Variants in RANBP2 observed in about 807,000 individuals in gnomAD.
The protein encoded by RANBP2 is E3 SUMO-protein ligase RanBP2.
A neutral mutation model predicts 303.6 loss-of-function variants in RANBP2; 57 were observed. The ratio of observed to expected loss-of-function variants is 0.19; its 90% CI spans 0.15 to 0.23. The LOEUF (loss-of-function observed/expected upper bound fraction) is 0.23. RANBP2 is among the 10% of genes least tolerant of loss of function. The pLI is 1.00. For missense variants in RANBP2, 3,138 were observed against 3,780.8 expected (o/e 0.83, Z 4.46); for synonymous variants, 1,167 against 1,301.5 (o/e 0.90, Z 2.23).
At chr2:108,792,376 C>G in the RANBP2 span, among the ~76,000 whole-genome samples, 15 of 152,174 alleles carry the variant, frequency 9.9e-5, no homozygotes, top group African/African-American at 3.6e-4. Flanking sequence ...ATAATTCTGT[C>G]GGGACTTGAG....
chr2:108,833,668 C>T, the RANBP2 span, among the ~76,000 whole-genome samples: 2 of 150,104 alleles, frequency 1.3e-5, no homozygotes, highest in East Asian at 1.9e-4. Context: ...TAATAAGAAA[C>T]GAAACAAATT....
At chr2:109,511,736 A>G in the RANBP2 span, among the ~76,000 whole-genome samples, 1 of 152,174 alleles carries the variant, frequency 6.6e-6, no homozygotes. Context: ...AGTCTTTTCT[A>G]TGGAATTGCT....
chr2:108,788,012 T>C (rs779565319), downstream of RANBP2: 1 of 1,476,278 alleles, frequency 6.8e-7, no homozygotes, highest in Non-Finnish European at 9.2e-7. Context: ...ACAAATTAAA[T>C]CTTTTCTTTT....
the RANBP2 span, among the ~76,000 whole-genome samples, chr2:108,897,836 G>A: frequency 6.6e-6 from 1 of 152,196 alleles, no homozygotes; most frequent in Admixed American, 6.5e-5. Context: ...ACTAAGTACA[G>A]CTAAAAGCCC....
At chr2:109,480,256 C>G in the RANBP2 span, among the ~76,000 whole-genome samples, 1 of 152,262 alleles carries the variant, frequency 6.6e-6, no homozygotes, top group African/African-American at 2.4e-5. Context: ...GGCAAGGCGG[C>G]ATCTCCCAGG....
the RANBP2 span, among the ~76,000 whole-genome samples, chr2:109,181,031 T>C: frequency 3.3e-5 from 5 of 152,272 alleles, no homozygotes; most frequent in Middle Eastern, 3.4e-3. Context: ...CTTGACAAAG[T>C]CCTTTGATGG....
chr2:108,728,592 AT>A (rs1257376735), intron 1 of RANBP2, among the ~76,000 whole-genome samples: 2 of 106,512 alleles, frequency 1.9e-5, no homozygotes, highest in Admixed American at 1.2e-4. Flanking sequence ...CACCCAGCTT[AT>A]TTATGATGAT....
the RANBP2 span, among the ~76,000 whole-genome samples, chr2:109,463,476 T>G: frequency 6.6e-6 from 1 of 152,184 alleles, no homozygotes; most frequent in Admixed American, 6.5e-5. Flanking sequence ...TCCAGAGCTT[T>G]TCAAGGGTGC....
the RANBP2 span, among the ~76,000 whole-genome samples, chr2:108,994,181 T>C: frequency 6.6e-6 from 1 of 152,194 alleles, no homozygotes; most frequent in South Asian, 2.1e-4. Flanking sequence ...AAGCTGGATT[T>C]GGAACACAGC....
the RANBP2 span, among the ~76,000 whole-genome samples, chr2:109,566,742 G>A: frequency 6.6e-6 from 1 of 152,156 alleles, no homozygotes; most frequent in South Asian, 2.1e-4. Flanking sequence ...AGCAAAGTGG[G>A]AAGAAATGGC....
the RANBP2 span, among the ~76,000 whole-genome samples, chr2:109,265,705 T>G: frequency 6.6e-6 from 1 of 152,228 alleles, no homozygotes; most frequent in Non-Finnish European, 1.5e-5. Context: ...CTGATTATAG[T>G]CAGAAACTCT....
chr2:108,949,690 C>CCAGAGAGGCCACTGAA, the RANBP2 span, among the ~76,000 whole-genome samples: 7 of 152,154 alleles, frequency 4.6e-5, no homozygotes, highest in Admixed American at 4.6e-4. Context: ...AATCATCCAA[C>CCAGAGAGGCCACTGAA]CAGAGAGGCC....
the RANBP2 span, among the ~76,000 whole-genome samples, chr2:108,979,235 G>A: frequency 2.6e-5 from 4 of 152,112 alleles, no homozygotes; most frequent in African/African-American, 9.7e-5. Flanking sequence ...GAGAATCTGC[G>A]TCTTAGAGCC....
At chr2:108,839,201 C>T in the RANBP2 span, 1 of 1,609,060 alleles carries the variant, frequency 6.2e-7, no homozygotes, top group Non-Finnish European at 8.5e-7. Context: ...CCTCTAATGA[C>T]AGAGCAGCTA....
At chr2:108,904,906 G>GAC in the RANBP2 span, among the ~76,000 whole-genome samples, 19 of 152,288 alleles carry the variant, frequency 1.2e-4, no homozygotes, top group Middle Eastern at 3.4e-3. Context: ...CAATATCAGT[G>GAC]TCCTGGTTGT....
the RANBP2 span, among the ~76,000 whole-genome samples, chr2:109,152,354 G>A: frequency 1.3e-5 from 2 of 152,150 alleles, no homozygotes; most frequent in African/African-American, 4.8e-5. Context: ...GGTGCATTTG[G>A]CAAATCCCTC....
At chr2:109,491,469 C>A in the RANBP2 span, among the ~76,000 whole-genome samples, 2 of 152,188 alleles carry the variant, frequency 1.3e-5, no homozygotes, top group Non-Finnish European at 2.9e-5. Context: ...TTTGAAATTG[C>A]CCATATTCAT....
At chr2:109,540,055 G>A in the RANBP2 span, among the ~76,000 whole-genome samples, 1 of 152,164 alleles carries the variant, frequency 6.6e-6, no homozygotes, top group Non-Finnish European at 1.5e-5. Flanking sequence ...TGGGATTGCT[G>A]GGTTGTATGG....
the RANBP2 span, among the ~76,000 whole-genome samples, chr2:109,123,661 C>T: frequency 2.5e-4 from 38 of 152,206 alleles, no homozygotes; most frequent in African/African-American, 4.6e-4. Context: ...TATTCCCTCT[C>T]TGCCTCAATT....
Sources: gnomAD v4.1 joint callset for allele counts (sites outside exome capture counted in the v4.1 genomes callset) on GRCh38, gnomAD v4.1.1 for gene constraint, MANE v1.5 for transcripts, NCBI Gene and HGNC (gene_info 2026-07-23, HGNC 2026-07-21) for gene names.